The following RBM25 variants were observed in gnomAD, a reference collection of about 807,000 sequenced individuals.
RBM25 encodes the protein RNA binding motif protein 25, also known as RNA-binding protein 25.
A neutral mutation model predicts 120.7 loss-of-function variants in RBM25; 19 were observed. The ratio of observed to expected loss-of-function variants is 0.16; its 90% CI spans 0.11 to 0.23. The LOEUF is 0.23. Ranked by LOEUF, RBM25 falls within the 10% of genes least tolerant of loss-of-function variation. The pLI is 1.00. For missense variants in RBM25, 605 were observed against 1,041.5 expected (o/e 0.58, Z 5.77); for synonymous variants, 390 against 326.7 (o/e 1.19, Z -2.09).
chr14:73,103,531 G>A, intron 10 of RBM25, 53 bp downstream of exon 10: 1 of 1,524,244 alleles, frequency 6.6e-7, no homozygotes, highest in Non-Finnish European at 8.8e-7. Flanking sequence ...AAACTATCGG[G>A]TAGTCCTCCA....
intron 1 of RBM25, among the ~76,000 whole-genome samples, chr14:73,067,561 C>T (rs1188763479): frequency 2.6e-5 from 4 of 151,210 alleles, no homozygotes; most frequent in Non-Finnish European, 4.4e-5. Context: ...TGTGCCACCA[C>T]GCCTGGATAA....
At chr14:73,111,286 C>G (rs1896305755) in intron 15 of RBM25, 131 bp downstream of exon 15, 2 of 896,772 alleles carry the variant, frequency 2.2e-6, no homozygotes, top group Non-Finnish European at 3.3e-6. Flanking sequence ...AAATGCCTTT[C>G]TAGCTCACGA....
chr14:73,059,608 T>C (rs942373835), intron 1 of RBM25, among the ~76,000 whole-genome samples: 24 of 152,266 alleles, frequency 1.6e-4, no homozygotes, highest in South Asian at 1.4e-3. Context: ...GCTGTATTAG[T>C]GTGAAGTACT....
intron 18 of RBM25, among the ~76,000 whole-genome samples, chr14:73,117,484 G>A (rs1896460389): frequency 6.6e-6 from 1 of 151,958 alleles, no homozygotes; most frequent in African/African-American, 2.4e-5. Flanking sequence ...GCCTACCTAG[G>A]CCTCCCAAAG....
At chr14:73,094,751 C>T (rs1351291666) in intron 6 of RBM25, among the ~76,000 whole-genome samples, 2 of 151,996 alleles carry the variant, frequency 1.3e-5, no homozygotes, top group South Asian at 2.1e-4. Flanking sequence ...TGGTCTCGAA[C>T]TCCTGACCTT....
chr14:73,080,674 G>T (rs1895539428), intron 4 of RBM25, among the ~76,000 whole-genome samples: 1 of 152,054 alleles, frequency 6.6e-6, no homozygotes, highest in Non-Finnish European at 1.5e-5. Context: ...GGCCTAAACT[G>T]TTAAAGGCCT....
At chr14:73,076,441 C>T in intron 3 of RBM25, 73 bp downstream of exon 3, 1 of 1,325,150 alleles carries the variant, frequency 7.5e-7, no homozygotes, top group Non-Finnish European at 1.1e-6. Context: ...GCATGATAAA[C>T]TTAGATAAAT....
Position 73,119,969 on chromosome 14 carries a change from C to G in RBM25, c.*164C>G. On this transcript the variant is annotated 3_prime_UTR_variant, in exon 19 of 19. Coordinates refer to ENST00000261973, the MANE Select transcript of RBM25 (RefSeq NM_021239.3). ...CTAATTTGTTGTTGCCCTGTGTACTCCCTTGGTTGTAAAGTCATCTGAATC... is the reference window on the plus strand; with the variant it reads ...CTAATTTGTTGTTGCCCTGTGTACTGCCTTGGTTGTAAAGTCATCTGAATC... 1.9e-6 allele frequency: 2 copies of G among 1,032,112 alleles called. No homozygotes were observed. The highest frequency in any genetic ancestry group is 6.1e-5 in the East Asian group (2 of 32,740). 63.9% of individuals were successfully genotyped at this position (1,032,112 alleles called of 1,614,324 possible). A position where few individuals can be genotyped will look rare whatever the true frequency, so the allele number is the denominator to read the frequency against.
rs148025620 is a variant in RBM25 at position 73,097,766 on chromosome 14, C to T, written c.729+666C>T. Among the ~76,000 whole-genome samples the T allele has an allele frequency of 2.2e-3, 336 of 152,292 alleles. 1 individual carries two copies. Among genetic ancestry groups the T allele is most frequent in the African/African-American group, 7.6e-3 (317 of 41,550 alleles). On this transcript the variant is annotated intron_variant, in intron 7 of 18. Transcript: ENST00000261973. ...CCTTAAGAAACTATGTCACATTCCC[C>T]TCCCTGAACAATAATGGTATTGAAT...
intron 15 of RBM25, 140 bp downstream of exon 15, chr14:73,111,295 G>A (rs1035648027): frequency 8.0e-6 from 7 of 872,658 alleles, no homozygotes; most frequent in Admixed American, 6.0e-5. Flanking sequence ...TCTAGCTCAC[G>A]ATTGTTTTCA....
At chr14:73,063,570 C>G (rs1331904966) in intron 1 of RBM25, among the ~76,000 whole-genome samples, 1 of 151,432 alleles carries the variant, frequency 6.6e-6, no homozygotes, top group Non-Finnish European at 1.5e-5. Context: ...GCATTTCTCT[C>G]TTTTAAATCC....
chr14:73,103,930 TCTCTCTCTCTCTCTCTCTCACACA>T (rs1246430230), intron 10 of RBM25, among the ~76,000 whole-genome samples: 139 of 77,452 alleles, frequency 1.8e-3, no homozygotes, highest in African/African-American at 6.5e-3. Context: ...TCTCTCTCTC[TCTCTCTCTCTCTCTCTCTCACACA>T]CACACACACA....
chr14:73,076,431 G>A (rs376086326), intron 3 of RBM25, 63 bp downstream of exon 3: 11 of 1,409,668 alleles, frequency 7.8e-6, no homozygotes, highest in Non-Finnish European at 1.1e-5. Flanking sequence ...AAGCTGAACA[G>A]CATGATAAAC....
rs140604530 is a variant in RBM25 at position 73,122,202 on chromosome 14, A to G, written c.*2397A>G. 1.6e-4 allele frequency: 24 copies of G among 151,612 alleles called. No individual in the cohort carries two copies. In the East Asian group the frequency reaches 4.6e-3, roughly 29 times the overall value. 9.4% of individuals were successfully genotyped at this position (151,612 alleles called of 1,614,324 possible). ...AAATTAATTTTAGTTTGAAAACCTT[A>G]TACAGTATGAATTCATTTTGCCATT... is the stretch of plus-strand genomic sequence containing the variant. On this transcript the variant is annotated 3_prime_UTR_variant, in exon 19 of 19. Transcript: ENST00000261973.
rs1046969265 is a variant in RBM25 at position 73,058,577 on chromosome 14, C to G, written c.-144C>G. 4 of 152,184 alleles carry G rather than the reference C, an allele frequency of 2.6e-5. No individual in the cohort carries two copies. Among genetic ancestry groups the G allele is most frequent in the African/African-American group, 9.6e-5 (4 of 41,452 alleles). 9.4% of individuals were successfully genotyped at this position (152,184 alleles called of 1,614,324 possible). A position where few individuals can be genotyped will look rare whatever the true frequency, so the allele number is the denominator to read the frequency against. ...CGCGCAGCGCGGCTGTATTTGCGGC[C>G]TGTGCGAGTAGGCGCTTGGGCACTC... is the stretch of plus-strand genomic sequence containing the variant. On this transcript the variant is annotated 5_prime_UTR_variant, in exon 1 of 19. Transcript: ENST00000261973.
chr14:73,098,612 C>T (rs537305944), intron 7 of RBM25, among the ~76,000 whole-genome samples: 13 of 152,128 alleles, frequency 8.5e-5, no homozygotes, highest in South Asian at 2.1e-4. Context: ...TGTGTTTCCT[C>T]GTTTGGTCAT....
chr14:73,098,130 T>G (rs928286095), intron 7 of RBM25, among the ~76,000 whole-genome samples: 1 of 151,998 alleles, frequency 6.6e-6, no homozygotes, highest in Non-Finnish European at 1.5e-5. Context: ...ATATTGGAAG[T>G]GTTTTATTTA....
At chr14:73,062,878 T>G (rs1895036882) in intron 1 of RBM25, among the ~76,000 whole-genome samples, 1 of 150,966 alleles carries the variant, frequency 6.6e-6, no homozygotes, top group South Asian at 2.1e-4. Flanking sequence ...TTGAGTGCAG[T>G]GGTGTGAGCT....
chr14:73,086,441 A>G (rs1021459657), intron 5 of RBM25, among the ~76,000 whole-genome samples: 1 of 151,970 alleles, frequency 6.6e-6, no homozygotes, highest in Non-Finnish European at 1.5e-5. Flanking sequence ...CGTCTAAAAA[A>G]AAAAAAAAAC....
Sources: allele counts gnomAD v4.1 joint callset (sites outside exome capture counted in the v4.1 genomes callset), GRCh38; gene constraint gnomAD v4.1.1; transcripts MANE v1.5; gene names NCBI Gene and HGNC (gene_info 2026-07-23, HGNC 2026-07-21).